The following EIF4G3 variants were observed in gnomAD, a reference collection of about 807,000 sequenced individuals.
The protein encoded by EIF4G3 is eukaryotic translation initiation factor 4 gamma 3.
Under a neutral mutation model 186.4 loss-of-function variants are expected in EIF4G3, and 34 were observed. The ratio of observed to expected loss-of-function variants is 0.18; its 90% CI spans 0.14 to 0.24. EIF4G3 has a LOEUF of 0.24. EIF4G3 is among the 10% of genes least tolerant of loss of function. The pLI is 1.00. For synonymous variants in EIF4G3, 673 were observed against 679.5 expected, an observed-to-expected ratio of 0.99 and a Z score of 0.15; for missense variants, 1,536 against 1,948.5, an observed-to-expected ratio of 0.79 and a Z score of 3.99.
At chr1:20,971,397 C>A (rs1251667452) in intron 11 of EIF4G3, among the ~76,000 whole-genome samples, 1 of 152,186 alleles carries the variant, frequency 6.6e-6, no homozygotes, top group African/African-American at 2.4e-5. Context: ...CTACTTTCTT[C>A]TTTAGAAACA....
intron 12 of EIF4G3, among the ~76,000 whole-genome samples, chr1:20,957,739 TA>T (rs900335426): frequency 4.6e-5 from 7 of 151,662 alleles, no homozygotes; most frequent in African/African-American, 1.7e-4. Flanking sequence ...ACCAGAGAAA[TA>T]AAAAACATCA....
intron 15 of EIF4G3, among the ~76,000 whole-genome samples, chr1:20,903,022 T>C (rs1572471917): frequency 6.6e-6 from 1 of 152,262 alleles, no homozygotes; most frequent in East Asian, 1.9e-4. Context: ...AGTAACAAGC[T>C]AAAGAAGCTT....
intron 3 of EIF4G3, among the ~76,000 whole-genome samples, chr1:21,079,667 C>T (rs1326710539): frequency 6.8e-6 from 1 of 148,084 alleles, no homozygotes; most frequent in East Asian, 2.0e-4. Flanking sequence ...CTGGATGACA[C>T]AGTAAGACCC....
chr1:20,924,692 C>T lies in EIF4G3; in HGVS notation c.1663+16799G>A, dbSNP rs535097821. On this transcript the variant is annotated intron_variant, in intron 14 of 36. Transcript: ENST00000602326. ...GCAATTCTCCTGCCTTAGTCTCCCG[C>T]GTAGCTGGAACTACGTGCACTACCA... Among the ~76,000 whole-genome samples the T allele has an allele frequency of 1.1e-4, 17 of 152,244 alleles. No individual in the cohort carries two copies. The South Asian group carries it at 2.7e-3, about 24-fold the overall frequency.
At chr1:20,884,989 ATTAG>A (rs1309915973) in intron 19 of EIF4G3, among the ~76,000 whole-genome samples, 2 of 152,138 alleles carry the variant, frequency 1.3e-5, no homozygotes, top group South Asian at 2.1e-4. Flanking sequence ...ATCATCAGGT[ATTAG>A]TTAGATTCTC....
chr1:21,103,807 G>A (rs1054066782), intron 2 of EIF4G3, among the ~76,000 whole-genome samples: 2 of 151,904 alleles, frequency 1.3e-5, no homozygotes, highest in African/African-American at 2.4e-5. Context: ...TCACACCACT[G>A]CACTCCAACC....
Position 21,170,990 on chromosome 1 carries a change from T to C in EIF4G3, c.-272+5185A>G, listed in dbSNP as rs200574388. 3.8e-4 allele frequency among the ~76,000 whole-genome samples: 4 copies of C among 10,436 alleles called. No homozygotes were observed. In the South Asian group the frequency reaches 0.069, roughly 180 times the overall value. 6.8% of individuals were successfully genotyped at this position (10,436 alleles called of 152,430 possible). On this transcript the variant is annotated intron_variant, in intron 2 of 36. Coordinates refer to ENST00000602326, the MANE Select transcript of EIF4G3 (RefSeq NM_001391906.1). ...GCAAGTCCCTGTCTAAAAAAATAAA[T>C]TAAAAAAAAAAAAAGTCGTAAAAAC...
At chr1:20,900,060 G>T in intron 15 of EIF4G3, 117 bp from the exon 16 acceptor site, 1 of 1,074,750 alleles carries the variant, frequency 9.3e-7, no homozygotes, top group Non-Finnish European at 1.3e-6. Flanking sequence ...AGGTAAGAAT[G>T]TCTGTGTTCA....
rs903325810 is a variant in EIF4G3 at position 21,045,835 on chromosome 1, A to C, written c.-67+5031T>G. Among the ~76,000 whole-genome samples, 5 of 152,242 alleles carry C rather than the reference A, an allele frequency of 3.3e-5. No individual in the cohort carries two copies. The East Asian group carries it at 9.6e-4, about 29-fold the overall frequency. ...AATGAAACAAGGCAAAGTTTGGGTA[A>C]TTTTAAATCTAAAATAGTTTTATAA... On this transcript the variant is annotated intron_variant, in intron 4 of 36. Transcript: ENST00000602326.
intron 14 of EIF4G3, among the ~76,000 whole-genome samples, chr1:20,928,696 G>A (rs902834732): frequency 5.3e-5 from 8 of 152,006 alleles, no homozygotes; most frequent in African/African-American, 1.7e-4. Flanking sequence ...ACCACGCCAG[G>A]CCCCTCTTTT....
chr1:20,947,580 G>GAGAAAGAA (rs35046651), intron 13 of EIF4G3, among the ~76,000 whole-genome samples: 98 of 151,000 alleles, frequency 6.5e-4, no homozygotes, highest in East Asian at 2.7e-3. Context: ...GAGAGAGCAA[G>GAGAAAGAA]AGAAAGAAAG....
chr1:21,152,959 C>T (rs2097576077), intron 2 of EIF4G3, among the ~76,000 whole-genome samples: 1 of 152,212 alleles, frequency 6.6e-6, no homozygotes, highest in African/African-American at 2.4e-5. Context: ...TGAATAGCCA[C>T]TGCACTCCAG....
rs1393408459 is a variant in EIF4G3 at position 20,807,349 on chromosome 1, C to T, written c.4896G>A (p.Arg1632=). 4 of 1,605,974 alleles carry T rather than the reference C, an allele frequency of 2.5e-6. No homozygotes were observed. Among genetic ancestry groups the T allele is most frequent in the Non-Finnish European group, 3.4e-6 (4 of 1,174,320 alleles). The change falls in exon 37 of 37, where the codon CGG becomes CGA. Residue 1632 remains arginine (R), a synonymous_variant. Coordinates refer to ENST00000602326, the MANE Select transcript of EIF4G3 (RefSeq NM_001391906.1). ...KSVTAFFTWL[R]EAEEESEDN Reference sequence around the variant, plus strand: ...TATCCTCAGACTCCTCTTCTGCTTCCCGCAGCCACGTGAAGAATGCCGTGA... The same window carrying T: ...TATCCTCAGACTCCTCTTCTGCTTCTCGCAGCCACGTGAAGAATGCCGTGA...
Position 20,851,315 on chromosome 1 carries a change from C to G in EIF4G3, c.3715G>C (p.Gly1239Arg). 1.9e-6 allele frequency: 3 copies of G among 1,614,150 alleles called. No individual in the cohort carries two copies. Among genetic ancestry groups the G allele is most frequent in the Non-Finnish European group, 2.5e-6 (3 of 1,180,046 alleles). The change falls in exon 28 of 37, where the codon GGT becomes CGT. Residue 1239 changes from glycine (G) to arginine (R), a missense_variant. Gly to Arg is a moderately radical substitution (Grantham distance 125). This residue lies in a region of EIF4G3 where 395 missense variants were observed against 498.9 expected (regional missense o/e 0.79). Coordinates refer to ENST00000602326, the MANE Select transcript of EIF4G3 (RefSeq NM_001391906.1). ...GTGCTGTTCCTCTCCACATCCACAC[C>G]TCCTGTGAGCTGCTTCACGGTCTCC... ...MLETVKQLTGGVDVERNSTEA... is the reference protein window; with the variant it reads ...MLETVKQLTGRVDVERNSTEA...
intron 31 of EIF4G3, among the ~76,000 whole-genome samples, chr1:20,828,925 A>G (rs2064355886): frequency 6.6e-6 from 1 of 152,124 alleles, no homozygotes; most frequent in African/African-American, 2.4e-5. Flanking sequence ...CATCGCCACT[A>G]CCCTCAACAG....
chr1:21,117,736 T>TAAAA (rs71014156), intron 2 of EIF4G3, among the ~76,000 whole-genome samples: 956 of 73,044 alleles, frequency 0.013, 24 homozygotes, highest in Non-Finnish European at 0.016. Flanking sequence ...CAGTATATAG[T>TAAAA]AAAAAAAAAA....
intron 7 of EIF4G3, among the ~76,000 whole-genome samples, chr1:20,991,012 T>C (rs1212487066): frequency 6.6e-6 from 1 of 152,206 alleles, no homozygotes; most frequent in Non-Finnish European, 1.5e-5. Flanking sequence ...TGAAGAACAG[T>C]GCTATGATTT....
intron 3 of EIF4G3, among the ~76,000 whole-genome samples, chr1:21,055,732 G>C (rs751787244): frequency 1.3e-5 from 2 of 151,750 alleles, no homozygotes; most frequent in Non-Finnish European, 2.9e-5. Context: ...AAAACAGGTA[G>C]AAATAGCAAC....
At chr1:20,976,009 A>C (rs2076784386) in intron 10 of EIF4G3, among the ~76,000 whole-genome samples, 1 of 152,104 alleles carries the variant, frequency 6.6e-6, no homozygotes, top group African/African-American at 2.4e-5. Context: ...CTGAAAAAAA[A>C]AGTTTACTGA....
Sources: gnomAD v4.1 joint callset for allele counts (sites outside exome capture counted in the v4.1 genomes callset) on GRCh38, gnomAD v4.1.1 for gene constraint, gnomAD v4.1.1 regional missense constraint, MANE v1.5 for transcripts, NCBI Gene and HGNC (gene_info 2026-07-23, HGNC 2026-07-21) for gene names.